CACNA1E: variants seen among roughly 807,000 people sequenced by gnomAD.
CACNA1E encodes calcium voltage-gated channel subunit alpha1 E.
Under a neutral mutation model 259.2 loss-of-function variants are expected in CACNA1E, and 40 were observed. The observed-to-expected ratio is 0.15, with a 90% CI of 0.12 to 0.20. The LOEUF (loss-of-function observed/expected upper bound fraction) is 0.20, where lower values mean the gene tolerates loss of function less well. Ranked by LOEUF, CACNA1E falls within the 10% of genes least tolerant of loss-of-function variation. CACNA1E has a pLI of 1.00. For synonymous variants in CACNA1E, 1,104 were observed against 1,138.5 expected, an observed-to-expected ratio of 0.97 and a Z score of 0.61; for missense variants, 1,874 against 3,040.1, an observed-to-expected ratio of 0.62 and a Z score of 9.02.
intron 2 of CACNA1E, among the ~76,000 whole-genome samples, chr1:181,437,932 C>T (rs1418585188): frequency 6.6e-6 from 1 of 152,226 alleles, no homozygotes; most frequent in Non-Finnish European, 1.5e-5. Context: ...GTTCCCTTGA[C>T]ATCTTAACTC....
At chr1:181,719,347 A>G (rs4651112) in intron 12 of CACNA1E, among the ~76,000 whole-genome samples, 126,729 of 152,196 alleles carry the variant, frequency 0.83, 52,877 homozygotes, top group South Asian at 0.89. Flanking sequence ...GGACCAAAAC[A>G]TTCTTGTTAG....
chr1:181,429,054 C>T (rs1017386990), intron 2 of CACNA1E, among the ~76,000 whole-genome samples: 3 of 152,122 alleles, frequency 2.0e-5, no homozygotes, highest in Middle Eastern at 3.4e-3. Context: ...TGGTGGCACA[C>T]GCCTGTAATC....
intron 2 of CACNA1E, among the ~76,000 whole-genome samples, chr1:181,429,036 G>T (rs1659516546): frequency 2.0e-5 from 3 of 152,060 alleles, no homozygotes; most frequent in Admixed American, 6.5e-5. Flanking sequence ...ATAAAAATTA[G>T]CTGGGCATGG....
intron 7 of CACNA1E, chr1:181,652,062 G>A (rs1658808541): frequency 6.6e-6 from 1 of 152,254 alleles, no homozygotes; most frequent in African/African-American, 2.4e-5. Context: ...ACAAATCTAT[G>A]TAATCTGAAG....
chr1:181,469,334 G>T (rs138653383), intron 2 of CACNA1E, among the ~76,000 whole-genome samples: 1 of 152,308 alleles, frequency 6.6e-6, no homozygotes, highest in Non-Finnish European at 1.5e-5. Context: ...AATGCTTGTT[G>T]TGGGAGTTGG....
chr1:181,559,020 C>T (rs1649032088), intron 3 of CACNA1E, among the ~76,000 whole-genome samples: 1 of 151,454 alleles, frequency 6.6e-6, no homozygotes, highest in African/African-American at 2.4e-5. Context: ...ACCAAGAGAG[C>T]TCCAAATTGA....
At chr1:181,796,069 T>C (rs531290426) in intron 46 of CACNA1E, among the ~76,000 whole-genome samples, 1 of 152,304 alleles carries the variant, frequency 6.6e-6, no homozygotes, top group East Asian at 1.9e-4. Flanking sequence ...ACCAAGATCC[T>C]ATATTGTGTG....
chr1:181,501,931 G>T (rs1665281156), intron 1 of CACNA1E, among the ~76,000 whole-genome samples: 1 of 152,182 alleles, frequency 6.6e-6, no homozygotes. Flanking sequence ...AAGAAAAGGG[G>T]TTTGGTTTTT....
intron 3 of CACNA1E, among the ~76,000 whole-genome samples, chr1:181,526,310 G>T (rs572166813): frequency 2.4e-4 from 36 of 151,784 alleles, no homozygotes; most frequent in Non-Finnish European, 4.7e-4. Context: ...TAGTTGGTGG[G>T]GTCAGGATTC....
rs564504908 is a variant in CACNA1E at position 181,432,652 on chromosome 1, G to T, written c.434+19072G>T. 9.9e-5 allele frequency among the ~76,000 whole-genome samples: 15 copies of T among 152,194 alleles called. No individual in the cohort carries two copies. In the South Asian group the frequency reaches 3.1e-3, roughly 32 times the overall value. On this transcript the variant is annotated intron_variant, in intron 2 of 11. Transcript: ENST00000524607. ...TTTGATGTGTATGTTGGGTGAGGAG[G>T]CAACAGGATTGGATAGGGTGGTGGG... is the stretch of plus-strand genomic sequence containing the variant.
intron 1 of CACNA1E, among the ~76,000 whole-genome samples, chr1:181,371,200 T>C (rs1557949131): frequency 6.6e-6 from 1 of 152,244 alleles, no homozygotes; most frequent in Admixed American, 6.5e-5. Flanking sequence ...TCATGAATAT[T>C]TTCTCATTTT....
intron 1 of CACNA1E, among the ~76,000 whole-genome samples, chr1:181,490,475 G>A (rs1664214727): frequency 6.6e-6 from 1 of 151,522 alleles, no homozygotes; most frequent in African/African-American, 2.4e-5. Flanking sequence ...TGCCCAGCTA[G>A]GCTCCAGCCA....
At chr1:181,411,250 C>T (rs941694931) in intron 1 of CACNA1E, among the ~76,000 whole-genome samples, 1 of 152,200 alleles carries the variant, frequency 6.6e-6, no homozygotes, top group Non-Finnish European at 1.5e-5. Context: ...TTACGTCTCT[C>T]ATTAAGTTAA....
chr1:181,745,021 C>T (rs1656926242), intron 25 of CACNA1E, among the ~76,000 whole-genome samples: 1 of 152,142 alleles, frequency 6.6e-6, no homozygotes, highest in Non-Finnish European at 1.5e-5. Context: ...GACAAGGACA[C>T]TAAGGATGAT....
Position 181,738,274 on chromosome 1 carries a change from G to A in CACNA1E, c.3553-93G>A, listed in dbSNP as rs11809526. ...GCAGTGGGTGAGGGCCAGGGTGGGC[G>A]TGCACGAGTGCATGTGTCCTGGCAG... On this transcript the variant is annotated intron_variant, in intron 23 of 47. Transcript: ENST00000367573. 2.5e-3 allele frequency: 2,397 copies of A among 958,538 alleles called. 35 individuals carry two copies. In the African/African-American group the frequency reaches 0.033, roughly 13 times the overall value. The allele number at this position is 958,538 out of a possible 1,614,324, so 59.4% of individuals were successfully genotyped here.
In CACNA1E at chr1:181,601,938, T is replaced by G. The variant is rs78193213; in HGVS notation, c.951+21162T>G. Among the ~76,000 whole-genome samples the G allele has an allele frequency of 2.1e-3, 327 of 152,282 alleles. 7 individuals carry two copies. In the East Asian group the frequency reaches 0.048, roughly 22 times the overall value. On this transcript the variant is annotated intron_variant, in intron 6 of 47. Coordinates refer to ENST00000367573, the MANE Select transcript of CACNA1E (RefSeq NM_001205293.3). Reference sequence around the variant, plus strand: ...AGTAGCCCTCTTGCTGCAGATGACATGTTGGGCATGCTTCTGCCTTGGATG... The same window carrying G: ...AGTAGCCCTCTTGCTGCAGATGACAGGTTGGGCATGCTTCTGCCTTGGATG...
chr1:181,694,557 T>G (rs1284116982), intron 7 of CACNA1E, among the ~76,000 whole-genome samples: 1 of 152,180 alleles, frequency 6.6e-6, no homozygotes, highest in African/African-American at 2.4e-5. Flanking sequence ...CCATGCTCTG[T>G]TGCATAGGCT....
intron 6 of CACNA1E, among the ~76,000 whole-genome samples, chr1:181,637,792 T>C (rs1443047596): frequency 6.6e-6 from 1 of 151,908 alleles, no homozygotes; most frequent in Non-Finnish European, 1.5e-5. Context: ...TCTGGGAAGG[T>C]TTTTTAGTGA....
At chr1:181,327,500 A>G (rs1440062087) in intron 1 of CACNA1E, among the ~76,000 whole-genome samples, 1 of 152,244 alleles carries the variant, frequency 6.6e-6, no homozygotes, top group Admixed American at 6.5e-5. Flanking sequence ...TTTGTAATTT[A>G]TAGAAAATCA....
Sources: allele counts gnomAD v4.1 joint callset (sites outside exome capture counted in the v4.1 genomes callset), GRCh38; gene constraint gnomAD v4.1.1; transcripts MANE v1.5; gene names NCBI Gene and HGNC (gene_info 2026-07-23, HGNC 2026-07-21).